FOXP2: variants seen among roughly 807,000 people sequenced by gnomAD.
FOXP2 encodes forkhead box P2.
In FOXP2, 12 loss-of-function variants were observed where a neutral mutation model predicts 115.8. The ratio of observed to expected loss-of-function variants is 0.10; its 90% confidence interval spans 0.07 to 0.17. The LOEUF (loss-of-function observed/expected upper bound fraction) is 0.17. FOXP2 is among the 10% of genes least tolerant of loss of function. The pLI is 1.00. For synonymous variants in FOXP2, 328 were observed against 297.7 expected (o/e 1.10, Z -1.05); for missense variants, 629 against 843.5 (o/e 0.75, Z 3.15).
At chr7:114,402,336 A>T (rs1792905980) in intron 2 of FOXP2, among the ~76,000 whole-genome samples, 1 of 152,152 alleles carries the variant, frequency 6.6e-6, no homozygotes, top group African/African-American at 2.4e-5. Flanking sequence ...GAAGGATTTA[A>T]ATATCAAGAA....
chr7:114,408,834 T>A (rs1007008108), intron 2 of FOXP2, among the ~76,000 whole-genome samples: 1 of 152,182 alleles, frequency 6.6e-6, no homozygotes, highest in Non-Finnish European at 1.5e-5. Flanking sequence ...ACTTGGTACT[T>A]GTTAATTTCA....
At chr7:114,469,050 C>T (rs1426310815) in intron 2 of FOXP2, among the ~76,000 whole-genome samples, 1 of 152,116 alleles carries the variant, frequency 6.6e-6, no homozygotes, top group Admixed American at 6.6e-5. Context: ...CAGCTCCTCC[C>T]TTTGGCACTC....
At chr7:114,494,283 G>C (rs903992727) in intron 2 of FOXP2, among the ~76,000 whole-genome samples, 3 of 152,070 alleles carry the variant, frequency 2.0e-5, no homozygotes, top group Non-Finnish European at 2.9e-5. Context: ...TTGCAGTTCA[G>C]TACCACCACA....
intron 2 of FOXP2, among the ~76,000 whole-genome samples, chr7:114,329,698 A>G (rs1797651019): frequency 2.0e-5 from 3 of 148,244 alleles, no homozygotes; most frequent in Admixed American, 1.3e-4. Context: ...ATTTTATGAG[A>G]TGCAGTCTTG....
chr7:114,237,503 G>A (rs1021700369), intron 1 of FOXP2, among the ~76,000 whole-genome samples: 4 of 152,064 alleles, frequency 2.6e-5, no homozygotes, highest in African/African-American at 9.7e-5. Flanking sequence ...TCTTTATTAA[G>A]CCTTATATTT....
At chr7:114,191,095 C>T (rs563973784) in intron 1 of FOXP2, among the ~76,000 whole-genome samples, 3 of 152,150 alleles carry the variant, frequency 2.0e-5, no homozygotes, top group Non-Finnish European at 2.9e-5. Flanking sequence ...GTATAACTCA[C>T]GTATTAGCAT....
chr7:114,279,230 G>A (rs1200460360), intron 1 of FOXP2, among the ~76,000 whole-genome samples: 1 of 152,170 alleles, frequency 6.6e-6, no homozygotes, highest in South Asian at 2.1e-4. Context: ...TGTAGAGGAT[G>A]CTCCTTACTG....
intron 2 of FOXP2, among the ~76,000 whole-genome samples, chr7:114,501,156 G>T (rs536864760): frequency 2.6e-5 from 4 of 152,078 alleles, no homozygotes; most frequent in African/African-American, 9.7e-5. Flanking sequence ...TTGCCTCAGA[G>T]ACTAAAGGTA....
At chr7:114,231,107 G>A (rs1279853541) in intron 1 of FOXP2, among the ~76,000 whole-genome samples, 1 of 151,790 alleles carries the variant, frequency 6.6e-6, no homozygotes, top group Admixed American at 6.6e-5. Flanking sequence ...TGAGCAATCT[G>A]AAAATGAAAT....
intron 2 of FOXP2, among the ~76,000 whole-genome samples, chr7:114,479,396 A>G (rs535409288): frequency 3.6e-4 from 55 of 151,612 alleles, no homozygotes; most frequent in African/African-American, 1.2e-3. Context: ...CGCTTGGTCA[A>G]GTTACTTTGG....
At chr7:114,601,447 A>T (rs1803019417) in intron 3 of FOXP2, among the ~76,000 whole-genome samples, 1 of 152,104 alleles carries the variant, frequency 6.6e-6, no homozygotes, top group Non-Finnish European at 1.5e-5. Flanking sequence ...GCTTTACATT[A>T]TGTCTGTGAT....
In FOXP2 at chr7:114,656,598, C is replaced by T. The variant is rs533488796; in HGVS notation, c.1267-1468C>T. The T allele has an allele frequency of 5.0e-4, 192 of 386,860 alleles. 1 individual carries two copies. Among genetic ancestry groups the T allele is most frequent in the South Asian group, 3.1e-3 (170 of 54,326 alleles). 24.0% of individuals were successfully genotyped at this position (386,860 alleles called of 1,614,324 possible). On this transcript the variant is annotated intron_variant, in intron 10 of 16. Coordinates refer to ENST00000350908, the MANE Select transcript of FOXP2 (RefSeq NM_014491.4). Reference sequence around the variant, plus strand: ...CATTATCTCAGCTTTCATTTATGTACGTAACAAAGAATTCCCTACCCAGTC... The same window carrying T: ...CATTATCTCAGCTTTCATTTATGTATGTAACAAAGAATTCCCTACCCAGTC...
chr7:114,635,371 GC>G (rs1282170648), intron 6 of FOXP2, among the ~76,000 whole-genome samples: 1 of 152,088 alleles, frequency 6.6e-6, no homozygotes, highest in Non-Finnish European at 1.5e-5. Context: ...TCCATGTCAT[GC>G]AAAAATATTA....
upstream of FOXP2, among the ~76,000 whole-genome samples, chr7:114,158,621 G>A (rs1792736257): frequency 6.6e-6 from 1 of 151,706 alleles, no homozygotes; most frequent in Non-Finnish European, 1.5e-5. Context: ...TTGTCTTTAG[G>A]TATTTTATTT....
intron 14 of FOXP2, among the ~76,000 whole-genome samples, chr7:114,662,780 T>G (rs1010240781): frequency 2.0e-5 from 3 of 152,116 alleles, no homozygotes; most frequent in African/African-American, 7.2e-5. Flanking sequence ...AGTTTGAATT[T>G]TGTTTGTTTT....
At chr7:114,468,554 C>T (rs185314572) in intron 2 of FOXP2, among the ~76,000 whole-genome samples, 2 of 152,178 alleles carry the variant, frequency 1.3e-5, no homozygotes, top group East Asian at 3.9e-4. Flanking sequence ...GTTCCCTACG[C>T]TACATACGGG....
At chr7:114,583,360 A>G (rs12536018) in intron 3 of FOXP2, among the ~76,000 whole-genome samples, 25,285 of 151,896 alleles carry the variant, frequency 0.17, 2,463 homozygotes, top group African/African-American at 0.26. Flanking sequence ...CCTGGGCAAC[A>G]GAGTAAGCCT....
intron 3 of FOXP2, among the ~76,000 whole-genome samples, chr7:114,549,120 C>T (rs573562000): frequency 6.6e-6 from 1 of 152,158 alleles, no homozygotes; most frequent in East Asian, 1.9e-4. Context: ...TTCAAGGAAA[C>T]CTTGCTTTCT....
chr7:114,128,782 A>G (rs1413320649), intron 1 of FOXP2, among the ~76,000 whole-genome samples: 1 of 152,238 alleles, frequency 6.6e-6, no homozygotes, highest in South Asian at 2.1e-4. Context: ...TAAGCATTTA[A>G]TAAATGCTAA....
Sources: gnomAD v4.1 joint callset for allele counts (sites outside exome capture counted in the v4.1 genomes callset) on GRCh38, gnomAD v4.1.1 for gene constraint, MANE v1.5 for transcripts, NCBI Gene and HGNC (gene_info 2026-07-23, HGNC 2026-07-21) for gene names.